The following CEP128 variants were observed in gnomAD, a reference collection of about 807,000 sequenced individuals.
CEP128 encodes the protein centrosomal protein 128.
CEP128 carries 132 observed loss-of-function variants against 156.7 expected under a neutral mutation model. That is an observed-to-expected ratio of 0.84 (90% CI 0.73 to 0.97). CEP128 has a LOEUF of 0.97. Ranked by LOEUF, CEP128 falls within the 50% of genes least tolerant of loss-of-function variation. CEP128 has a pLI of 0.00. For synonymous variants in CEP128, 469 were observed against 448.9 expected, an observed-to-expected ratio of 1.04 and a Z score of -0.57; for missense variants, 1,252 against 1,281.9, an observed-to-expected ratio of 0.98 and a Z score of 0.36.
intron 21 of CEP128, among the ~76,000 whole-genome samples, chr14:80,544,681 GTTCT>G (rs1474241961): frequency 3.3e-5 from 5 of 152,222 alleles, no homozygotes; most frequent in Admixed American, 3.3e-4. Context: ...TGATTATTTA[GTTCT>G]TTGATTCTAA....
chr14:80,955,767 C>G lies in CEP128; in HGVS notation c.-172+2411G>C, dbSNP rs777166186. ...GAATGGGGTGTTCGTCTCCACCCTG[C>G]GAGTGCCATCAGGAGGAGGACTTCA... On this transcript the variant is annotated intron_variant, in intron 2 of 7. Coordinates refer to the CEP128 transcript ENST00000555529. The G allele has an allele frequency of 5.0e-6, 8 of 1,614,066 alleles. No homozygotes were observed. Among genetic ancestry groups the G allele is most frequent in the East Asian group, 4.5e-5 (2 of 44,888 alleles).
At chr14:80,589,691 GT>G (rs1207013372) in intron 19 of CEP128, among the ~76,000 whole-genome samples, 1 of 152,072 alleles carries the variant, frequency 6.6e-6, no homozygotes, top group African/African-American at 2.4e-5. Context: ...AACCTATAAA[GT>G]TTAGTCATCC....
chr14:80,779,049 G>A (rs1595385501), intron 15 of CEP128, among the ~76,000 whole-genome samples: 2 of 152,040 alleles, frequency 1.3e-5, no homozygotes, highest in South Asian at 2.1e-4. Context: ...TTTCAACTAC[G>A]CCACACTTCC....
chr14:80,498,585 A>C (rs138254458), intron 24 of CEP128, among the ~76,000 whole-genome samples: 1,611 of 152,174 alleles, frequency 0.011, 22 homozygotes, highest in Non-Finnish European at 0.017. Context: ...CTTCCCATCC[A>C]ATTTCAACTC....
chr14:80,896,296 T>G (rs983304224), intron 7 of CEP128, among the ~76,000 whole-genome samples: 1 of 152,156 alleles, frequency 6.6e-6, no homozygotes, highest in Non-Finnish European at 1.5e-5. Context: ...ATTAATAACA[T>G]ACATGATAAA....
At chr14:80,773,094 G>A (rs1317162523) in intron 16 of CEP128, among the ~76,000 whole-genome samples, 1 of 151,980 alleles carries the variant, frequency 6.6e-6, no homozygotes, top group Non-Finnish European at 1.5e-5. Context: ...TCCAGGTTTG[G>A]GTACCTAGTA....
chr14:80,798,103 A>G (rs572971115), intron 13 of CEP128, among the ~76,000 whole-genome samples: 11 of 152,338 alleles, frequency 7.2e-5, no homozygotes, highest in Admixed American at 6.5e-4. Context: ...AGAATTATCC[A>G]TATTACCATA....
intron 19 of CEP128, among the ~76,000 whole-genome samples, chr14:80,736,519 T>C (rs900847415): frequency 2.7e-4 from 41 of 149,620 alleles, no homozygotes; most frequent in Non-Finnish European, 4.6e-4. Context: ...TACACACACA[T>C]ACACACACAC....
rs143569724 is a variant in CEP128 at position 80,515,573 on chromosome 14, C to A, written c.3073-10553G>T. On this transcript the variant is annotated intron_variant, in intron 23 of 24. Coordinates refer to ENST00000555265, the MANE Select transcript of CEP128 (RefSeq NM_152446.5). ...TGTTGAGGGCTCTTCATTCAGGTTG[C>A]GGTGAATGCTGCCAGGCCTGGGCCT... 8.2e-3 allele frequency among the ~76,000 whole-genome samples: 1,254 copies of A among 152,250 alleles called. 8 individuals carry two copies. The highest frequency in any genetic ancestry group is 0.034 in the Middle Eastern group (10 of 294).
chr14:80,495,956 A>G (rs1370361877), downstream of CEP128, among the ~76,000 whole-genome samples: 1 of 152,198 alleles, frequency 6.6e-6, no homozygotes, highest in Non-Finnish European at 1.5e-5. Flanking sequence ...ATGGATCACC[A>G]GGACTGTGAG....
chr14:80,733,339 C>CGTGTGTGTGTGT lies in CEP128; in HGVS notation c.2806+9724_2806+9735dup, dbSNP rs55964142. Among the ~76,000 whole-genome samples, 391 of 140,236 alleles carry CGTGTGTGTGTGT rather than the reference C, an allele frequency of 2.8e-3. 3 individuals carry two copies. The highest frequency in any genetic ancestry group is 4.2e-3 in the African/African-American group (156 of 37,094). The allele number at this position is 140,236 out of a possible 152,430, so 92.0% of individuals were successfully genotyped here. On this transcript the variant is annotated intron_variant, in intron 19 of 24. Coordinates refer to ENST00000555265, the MANE Select transcript of CEP128 (RefSeq NM_152446.5). ...TCTCAGTCTTCATAACCACATGGGT[C>CGTGTGTGTGTGT]GTGTGTGTGTGTGTGTGTGTGTGTG...
At chr14:80,953,303 C>A (rs932833976) in intron 2 of CEP128, among the ~76,000 whole-genome samples, 11 of 152,152 alleles carry the variant, frequency 7.2e-5, no homozygotes, top group African/African-American at 2.7e-4. Flanking sequence ...ATGATAAACA[C>A]GGCCGGGCAC....
intron 19 of CEP128, among the ~76,000 whole-genome samples, chr14:80,676,645 CCTT>C (rs910048732): frequency 6.6e-6 from 1 of 152,186 alleles, no homozygotes; most frequent in African/African-American, 2.4e-5. Context: ...ATGCTAGTAT[CCTT>C]CTATTTAAAA....
At chr14:80,492,914 A>C (rs536140528), downstream of CEP128, among the ~76,000 whole-genome samples, 5 of 152,232 alleles carry the variant, frequency 3.3e-5, no homozygotes, top group South Asian at 2.1e-4. Flanking sequence ...TTTTACTTTT[A>C]GATTGTAACA....
At chr14:80,869,170 T>C (rs148611343) in intron 8 of CEP128, among the ~76,000 whole-genome samples, 189 of 152,122 alleles carry the variant, frequency 1.2e-3, no homozygotes, top group African/African-American at 4.4e-3. Context: ...AGCAGCAGAA[T>C]ACACATTCTT....
chr14:80,611,439 T>G lies in CEP128; in HGVS notation c.2807-31016A>C, dbSNP rs186653776. 5.5e-4 allele frequency among the ~76,000 whole-genome samples: 83 copies of G among 152,240 alleles called. No homozygotes were observed. The Middle Eastern group carries it at 0.01, about 19-fold the overall frequency. On this transcript the variant is annotated intron_variant, in intron 19 of 24. Transcript: ENST00000555265. ...AAATCAGCAGTAAAATCTAGCAAGA[T>G]ACCTCAATGAACTACATAGATAATT...
intron 13 of CEP128, among the ~76,000 whole-genome samples, chr14:80,819,753 G>A (rs1192532246): frequency 6.6e-6 from 1 of 152,174 alleles, no homozygotes; most frequent in Non-Finnish European, 1.5e-5. Context: ...CAACATTTCA[G>A]TGCTGAGTGT....
intron 21 of CEP128, among the ~76,000 whole-genome samples, chr14:80,547,055 G>GT (rs1890015874): frequency 1.3e-5 from 2 of 152,078 alleles, no homozygotes; most frequent in Admixed American, 6.6e-5. Flanking sequence ...TGTGTAAGTG[G>GT]TATTACAGCT....
chr14:80,647,011 A>ATATATATATG lies in CEP128; in HGVS notation c.2807-66589_2807-66588insCATATATATA, dbSNP rs1233103116. Among the ~76,000 whole-genome samples, 18 of 72,532 alleles carry ATATATATATG rather than the reference A, an allele frequency of 2.5e-4. 1 individual carries two copies. Among genetic ancestry groups the ATATATATATG allele is most frequent in the East Asian group, 3.8e-4 (1 of 2,608 alleles). The allele number at this position is 72,532 out of a possible 152,430, so 47.6% of individuals were successfully genotyped here. The stretch of plus-strand genomic sequence containing the variant: ...TTATAAGAAATATATATATATATAT[A>ATATATATATG]TGTGTGTGTATATATATGTGTGCAT... On this transcript the variant is annotated intron_variant, in intron 19 of 24. Coordinates refer to ENST00000555265, the MANE Select transcript of CEP128 (RefSeq NM_152446.5).
Sources: allele counts gnomAD v4.1 joint callset (sites outside exome capture counted in the v4.1 genomes callset), GRCh38; gene constraint gnomAD v4.1.1; transcripts MANE v1.5; gene names NCBI Gene and HGNC (gene_info 2026-07-23, HGNC 2026-07-21).